NFIB: variants seen among roughly 807,000 people sequenced by gnomAD.
The protein encoded by NFIB is nuclear factor 1 B-type.
In NFIB, 11 loss-of-function variants were observed where a neutral mutation model predicts 61.5. That is an observed-to-expected ratio of 0.18 (90% confidence interval 0.11 to 0.30). NFIB has a LOEUF of 0.30. NFIB is among the 10% of genes least tolerant of loss of function. The pLI is 1.00. For missense variants in NFIB, 471 were observed against 608.9 expected (o/e 0.77, Z 2.38); for synonymous variants, 260 against 216.5 (o/e 1.20, Z -1.76).
the NFIB span, among the ~76,000 whole-genome samples, chr9:14,423,383 C>T: frequency 3.3e-5 from 5 of 152,342 alleles, no homozygotes; most frequent in East Asian, 7.7e-4. Flanking sequence ...AGCCCTCTTA[C>T]ACAGAGATGT....
the NFIB span, among the ~76,000 whole-genome samples, chr9:14,502,201 C>T: frequency 4.6e-5 from 7 of 152,304 alleles, no homozygotes; most frequent in African/African-American, 1.7e-4. Context: ...AATATTTCTG[C>T]AGCAAAATGT....
chr9:14,404,974 C>T, the NFIB span, among the ~76,000 whole-genome samples: 2 of 152,206 alleles, frequency 1.3e-5, no homozygotes, highest in Admixed American at 6.5e-5. Flanking sequence ...TAGTTTTTTA[C>T]CTATTTTCCT....
intron 2 of NFIB, among the ~76,000 whole-genome samples, chr9:14,268,375 C>G (rs1483672591): frequency 4.6e-5 from 7 of 152,138 alleles, no homozygotes; most frequent in Non-Finnish European, 5.9e-5. Flanking sequence ...CAACCCTACT[C>G]TTTCAGCCTA....
At chr9:14,370,618 C>A (rs1427076842) in intron 1 of NFIB, among the ~76,000 whole-genome samples, 2 of 152,146 alleles carry the variant, frequency 1.3e-5, no homozygotes, top group East Asian at 3.9e-4. Context: ...TAAGAAATAA[C>A]CATGTAAAGA....
chr9:14,297,406 C>A lies in NFIB; in HGVS notation c.562+9583G>T, dbSNP rs1414264109. 1.3e-5 allele frequency among the ~76,000 whole-genome samples: 2 copies of A among 152,326 alleles called. 1 individual carries two copies. The highest frequency in any genetic ancestry group is 6.8e-3 in the Middle Eastern group (2 of 294). The stretch of plus-strand genomic sequence containing the variant: ...CAGAGCACTTCATTCAACCTTCCTC[C>A]TTTGACCCCTATGATTCTGGATTAT... On this transcript the variant is annotated intron_variant, in intron 2 of 10. Transcript: ENST00000380953.
intron 2 of NFIB, among the ~76,000 whole-genome samples, chr9:14,206,929 G>C (rs764033294): frequency 5.3e-5 from 8 of 152,124 alleles, no homozygotes; most frequent in Non-Finnish European, 1.2e-4. Flanking sequence ...ATGGTGATTA[G>C]CTGTGTAAAA....
chr9:14,446,012 T>C, the NFIB span, among the ~76,000 whole-genome samples: 1 of 152,206 alleles, frequency 6.6e-6, no homozygotes, highest in African/African-American at 2.4e-5. Context: ...ACATTTCCAC[T>C]AGGCATAGAA....
chr9:14,181,832 T>C (rs1044283694), intron 2 of NFIB, among the ~76,000 whole-genome samples: 1 of 152,206 alleles, frequency 6.6e-6, no homozygotes, highest in Admixed American at 6.5e-5. Flanking sequence ...AGGTGGCTAA[T>C]GCCAAGCTTG....
At chr9:14,207,050 T>C (rs1185541805) in intron 2 of NFIB, among the ~76,000 whole-genome samples, 1 of 152,212 alleles carries the variant, frequency 6.6e-6, no homozygotes, top group African/African-American at 2.4e-5. Context: ...TAACAGTCAT[T>C]GAGTATTTGT....
At chr9:14,150,604 G>A (rs933151358) in intron 4 of NFIB, among the ~76,000 whole-genome samples, 6 of 151,934 alleles carry the variant, frequency 3.9e-5, no homozygotes, top group African/African-American at 9.7e-5. Flanking sequence ...CAGAATATAC[G>A]AGTCCTATCA....
At chr9:14,509,112 C>A in the NFIB span, among the ~76,000 whole-genome samples, 1 of 152,170 alleles carries the variant, frequency 6.6e-6, no homozygotes, top group Non-Finnish European at 1.5e-5. Flanking sequence ...TGAGGACTTA[C>A]TTGTGTTGGA....
chr9:14,136,070 C>A (rs1369992251), intron 6 of NFIB, among the ~76,000 whole-genome samples: 2 of 152,092 alleles, frequency 1.3e-5, no homozygotes, highest in Non-Finnish European at 2.9e-5. Flanking sequence ...CAAGTTAAAG[C>A]AAACCTCTTT....
At chr9:14,105,548 C>G (rs536706037) in intron 10 of NFIB, among the ~76,000 whole-genome samples, 1 of 152,106 alleles carries the variant, frequency 6.6e-6, no homozygotes, top group Non-Finnish European at 1.5e-5. Context: ...AATAAACCTT[C>G]TTGGTCATAA....
intron 2 of NFIB, among the ~76,000 whole-genome samples, chr9:14,242,934 T>G (rs1023516677): frequency 6.6e-6 from 1 of 152,238 alleles, no homozygotes; most frequent in Non-Finnish European, 1.5e-5. Context: ...GTTCTGAACA[T>G]ATGCCTATGC....
chr9:14,305,429 G>C (rs10961469), intron 2 of NFIB, among the ~76,000 whole-genome samples: 27,155 of 152,130 alleles, frequency 0.18, 2,562 homozygotes, highest in East Asian at 0.24. Flanking sequence ...CCACCTTAAA[G>C]TGTCACCTCC....
chr9:14,430,397 G>A, the NFIB span, among the ~76,000 whole-genome samples: 3 of 152,024 alleles, frequency 2.0e-5, no homozygotes, highest in Admixed American at 2.0e-4. Context: ...TTTTCAATGA[G>A]CAAATGATGT....
At chr9:14,202,886 G>C (rs75854182) in intron 2 of NFIB, among the ~76,000 whole-genome samples, 2 of 152,154 alleles carry the variant, frequency 1.3e-5, no homozygotes, top group East Asian at 1.9e-4. Context: ...CTATTGACTA[G>C]CTTTGTGAGC....
chr9:14,238,220 G>A (rs557194110), intron 2 of NFIB, among the ~76,000 whole-genome samples: 116 of 152,166 alleles, frequency 7.6e-4, no homozygotes, highest in Non-Finnish European at 1.5e-3. Flanking sequence ...AGTGCCTGAG[G>A]CTCAGCTGTA....
the NFIB span, among the ~76,000 whole-genome samples, chr9:14,499,585 C>T: frequency 4.6e-5 from 7 of 152,268 alleles, no homozygotes; most frequent in African/African-American, 1.4e-4. Flanking sequence ...CACCTGATCT[C>T]TATAGCAACT....
Sources: gnomAD v4.1 joint callset for allele counts (sites outside exome capture counted in the v4.1 genomes callset) on GRCh38, gnomAD v4.1.1 for gene constraint, MANE v1.5 for transcripts, NCBI Gene and HGNC (gene_info 2026-07-23, HGNC 2026-07-21) for gene names.